The following AGBL4 variants were observed in gnomAD, a reference collection of about 807,000 sequenced individuals.
AGBL4 encodes cytosolic carboxypeptidase 6.
A neutral mutation model predicts 66.4 loss-of-function variants in AGBL4; 58 were observed. The observed-to-expected ratio is 0.87, with a 90% CI of 0.71 to 1.09. The LOEUF (loss-of-function observed/expected upper bound fraction) is 1.09. AGBL4 is among the 50% of genes least tolerant of loss of function. The pLI, the probability that AGBL4 is intolerant of heterozygous loss-of-function variation, is 0.00. For missense variants in AGBL4, 579 were observed against 631.0 expected (o/e 0.92, Z 0.88); for synonymous variants, 234 against 222.9 (o/e 1.05, Z -0.44).
chr1:49,279,902 C>T (rs190506182), intron 3 of AGBL4, among the ~76,000 whole-genome samples: 3 of 152,316 alleles, frequency 2.0e-5, no homozygotes, highest in Non-Finnish European at 4.4e-5. Flanking sequence ...CAATGAGAAA[C>T]CACCATGCTA....
chr1:49,159,548 C>T (rs1569875013), intron 4 of AGBL4, among the ~76,000 whole-genome samples: 1 of 152,180 alleles, frequency 6.6e-6, no homozygotes, highest in East Asian at 1.9e-4. Context: ...CTTGGGGTTG[C>T]TCTTCTCGAG....
chr1:49,327,051 G>C (rs779766421), intron 3 of AGBL4, among the ~76,000 whole-genome samples: 1 of 151,822 alleles, frequency 6.6e-6, no homozygotes, highest in Non-Finnish European at 1.5e-5. Flanking sequence ...CTCTCTCTCT[G>C]GCCTTTCTGC....
chr1:49,882,868 A>T (rs1337430208), intron 1 of AGBL4, among the ~76,000 whole-genome samples: 3 of 152,182 alleles, frequency 2.0e-5, no homozygotes, highest in Admixed American at 6.5e-5. Context: ...GAGCACTGAT[A>T]GCATTTGGTT....
intron 6 of AGBL4, among the ~76,000 whole-genome samples, chr1:48,827,180 A>G (rs1013238111): frequency 6.6e-6 from 1 of 152,198 alleles, no homozygotes; most frequent in African/African-American, 2.4e-5. Context: ...GAAAGTCTGC[A>G]GTATTTGAAT....
intron 3 of AGBL4, among the ~76,000 whole-genome samples, chr1:49,383,956 C>G (rs923573285): frequency 6.6e-6 from 1 of 151,946 alleles, no homozygotes; most frequent in Non-Finnish European, 1.5e-5. Flanking sequence ...ACCACTACGC[C>G]CAGCTAATTT....
intron 5 of AGBL4, among the ~76,000 whole-genome samples, chr1:48,896,336 T>C (rs1369586099): frequency 1.3e-5 from 2 of 152,228 alleles, no homozygotes; most frequent in Non-Finnish European, 2.9e-5. Flanking sequence ...GAATTTGTCT[T>C]CTCTTCTCGA....
At chr1:49,177,269 G>C (rs1210861945) in intron 4 of AGBL4, among the ~76,000 whole-genome samples, 1 of 152,114 alleles carries the variant, frequency 6.6e-6, no homozygotes, top group Non-Finnish European at 1.5e-5. Context: ...CTGTACTGTA[G>C]AAACATAGAT....
chr1:48,613,364 A>G (rs1306762897), intron 9 of AGBL4, among the ~76,000 whole-genome samples: 2 of 152,158 alleles, frequency 1.3e-5, no homozygotes, highest in Admixed American at 6.5e-5. Context: ...ACAATCAGAA[A>G]CTGGGGTCCA....
At chr1:49,347,125 GA>G (rs750650735) in intron 3 of AGBL4, among the ~76,000 whole-genome samples, 5 of 152,130 alleles carry the variant, frequency 3.3e-5, no homozygotes, top group Non-Finnish European at 5.9e-5. Context: ...AGCCCTTGTA[GA>G]TTTTTTTATC....
chr1:49,262,646 C>T (rs886088479), intron 3 of AGBL4, among the ~76,000 whole-genome samples: 2 of 150,454 alleles, frequency 1.3e-5, no homozygotes, highest in African/African-American at 4.9e-5. Context: ...CATTAAAAGT[C>T]AGGAAACAAC....
At chr1:49,433,481 G>T (rs1645832409) in intron 3 of AGBL4, among the ~76,000 whole-genome samples, 3 of 152,154 alleles carry the variant, frequency 2.0e-5, no homozygotes, top group African/African-American at 4.8e-5. Flanking sequence ...GAAGTGTTCT[G>T]TGATGATTGT....
intron 3 of AGBL4, among the ~76,000 whole-genome samples, chr1:49,485,000 C>T (rs1217800567): frequency 1.3e-5 from 2 of 151,986 alleles, no homozygotes; most frequent in Non-Finnish European, 2.9e-5. Context: ...ATGAGATCCA[C>T]TGTTGGTGGG....
At chr1:49,873,574 C>T (rs1227929599) in intron 1 of AGBL4, among the ~76,000 whole-genome samples, 3 of 152,058 alleles carry the variant, frequency 2.0e-5, no homozygotes, top group African/African-American at 7.2e-5. Context: ...TTCACCTTAT[C>T]TTATGTAAAG....
At chr1:49,899,747 C>T (rs886882176) in intron 1 of AGBL4, among the ~76,000 whole-genome samples, 53 of 152,082 alleles carry the variant, frequency 3.5e-4, no homozygotes, top group African/African-American at 1.3e-3. Flanking sequence ...GTATATAAAA[C>T]ATGTTTGCTC....
intron 3 of AGBL4, among the ~76,000 whole-genome samples, chr1:49,428,803 A>G (rs1645722123): frequency 6.6e-6 from 1 of 152,228 alleles, no homozygotes; most frequent in Admixed American, 6.5e-5. Flanking sequence ...AATCTGGTTC[A>G]CTTTAAGCAG....
chr1:49,314,741 T>C (rs972847108), intron 3 of AGBL4, among the ~76,000 whole-genome samples: 4 of 152,118 alleles, frequency 2.6e-5, no homozygotes, highest in Admixed American at 6.6e-5. Flanking sequence ...TTTGGGTACA[T>C]ACCCAGCAAT....
intron 5 of AGBL4, among the ~76,000 whole-genome samples, chr1:48,892,520 C>T (rs1651064934): frequency 6.6e-6 from 1 of 152,056 alleles, no homozygotes; most frequent in Admixed American, 6.6e-5. Context: ...AAACATCAAT[C>T]AACATATGTA....
intron 4 of AGBL4, among the ~76,000 whole-genome samples, chr1:49,111,578 C>A (rs1423075676): frequency 6.6e-6 from 1 of 152,174 alleles, no homozygotes; most frequent in Non-Finnish European, 1.5e-5. Context: ...TTGACCATAT[C>A]ATCTAAGTAT....
intron 3 of AGBL4, among the ~76,000 whole-genome samples, chr1:49,399,074 A>G (rs569641247): frequency 1.1e-4 from 17 of 152,182 alleles, no homozygotes; most frequent in Admixed American, 7.2e-4. Context: ...TTTAGCTCCT[A>G]CTAATAAGTG....
Sources: gnomAD v4.1 joint callset for allele counts (sites outside exome capture counted in the v4.1 genomes callset) on GRCh38, gnomAD v4.1.1 for gene constraint, MANE v1.5 for transcripts, NCBI Gene and HGNC (gene_info 2026-07-23, HGNC 2026-07-21) for gene names.